The following UBE2D4 variants were observed in gnomAD, a reference collection of about 807,000 sequenced individuals.
UBE2D4 encodes ubiquitin-conjugating enzyme E2 D4.
Under a neutral mutation model 23.0 loss-of-function variants are expected in UBE2D4, and 17 were observed. That is an observed-to-expected ratio of 0.74 (90% CI 0.51 to 1.11). The LOEUF (loss-of-function observed/expected upper bound fraction) is 1.11. UBE2D4 is among the 50% of genes least tolerant of loss of function. The pLI, the probability that UBE2D4 is intolerant of heterozygous loss-of-function variation, is 0.00. For synonymous variants in UBE2D4, 61 were observed against 69.4 expected (o/e 0.88, Z 0.60); for missense variants, 139 against 181.8 (o/e 0.76, Z 1.35).
rs747887317 is a variant in UBE2D4, at chr7:43,950,639, C to T, written c.345C>T (p.Pro115=). The change falls in exon 6 of 7, where the codon CCC becomes CCT. Residue 115 remains proline, a synonymous_variant. Coordinates refer to ENST00000222402, the MANE Select transcript of UBE2D4 (RefSeq NM_015983.4). ...SICSLLCDPN[P]DDPLVPEIAH... is the part of the protein sequence containing the mutation. ...GCTCGCTGCTCTGCGACCCCAACCC[C>T]GATGACCCCCTGGTGCCAGAGATAG... is the stretch of plus-strand genomic sequence containing the variant. 1.4e-5 allele frequency: 22 copies of T among 1,614,252 alleles called. No individual in the cohort carries two copies. The highest frequency in any genetic ancestry group is 3.3e-5 in the Admixed American group (2 of 60,028).
At chr7:43,942,613 A>G (rs2095975634) in intron 2 of UBE2D4, 1 of 636,444 alleles carries the variant, frequency 1.6e-6, no homozygotes, top group Non-Finnish European at 2.8e-6. Context: ...TGTGATAACC[A>G]GCAATCTTAA....
At chr7:43,929,748 A>G (rs976453044) in intron 1 of UBE2D4, among the ~76,000 whole-genome samples, 2 of 152,172 alleles carry the variant, frequency 1.3e-5, no homozygotes, top group Non-Finnish European at 2.9e-5. Flanking sequence ...AATTCTTAAT[A>G]ATTATCGAAC....
At chr7:43,942,653 T>A (rs902401109) in intron 2 of UBE2D4, 173 bp from the exon 3 acceptor site, 16 of 786,412 alleles carry the variant, frequency 2.0e-5, no homozygotes, top group Admixed American at 1.9e-4. Context: ...GCTCTGGGAG[T>A]CCTAGGCAGT....
chr7:43,935,088 G>C (rs1283310739), intron 1 of UBE2D4, among the ~76,000 whole-genome samples: 2 of 152,128 alleles, frequency 1.3e-5, no homozygotes, highest in Admixed American at 1.3e-4. Context: ...TTCCAACTAC[G>C]TAACAGGACC....
chr7:43,933,261 T>C (rs1375052731), intron 1 of UBE2D4, among the ~76,000 whole-genome samples: 1 of 151,928 alleles, frequency 6.6e-6, no homozygotes, highest in African/African-American at 2.4e-5. Context: ...ATTGTTGTCA[T>C]GTAGTGCATC....
intron 4 of UBE2D4, chr7:43,943,575 C>T (rs1386245899): frequency 6.2e-6 from 1 of 160,768 alleles, no homozygotes; most frequent in Non-Finnish European, 1.4e-5. Flanking sequence ...GTGGACACAC[C>T]CTGGTTTAGG....
At chr7:43,939,633 G>A (rs969585027) in intron 2 of UBE2D4, among the ~76,000 whole-genome samples, 1 of 152,196 alleles carries the variant, frequency 6.6e-6, no homozygotes, top group Non-Finnish European at 1.5e-5. Flanking sequence ...CAATGTTCAC[G>A]GCACCATTAC....
chr7:43,932,957 C>A (rs1474805797), intron 1 of UBE2D4, among the ~76,000 whole-genome samples: 1 of 141,740 alleles, frequency 7.1e-6, no homozygotes, highest in Non-Finnish European at 1.5e-5. Context: ...CCATCCAGTT[C>A]CCCTCCTGGG....
rs186795238 is a variant in UBE2D4 at position 43,938,542 on chromosome 7, C to A, written c.88+48C>A. On this transcript the variant is annotated intron_variant, in intron 2 of 6. Transcript: ENST00000222402. ...AGTTGTAGGAGCATTTTAATTAAGA[C>A]CCCCCAACTTAGGCCAGGTGCGGTG... 2.3e-4 allele frequency: 361 copies of A among 1,585,204 alleles called. No individual in the cohort carries two copies. In the African/African-American group the frequency reaches 4.4e-3, roughly 19 times the overall value.
At chr7:43,932,298 A>T (rs2095947754) in intron 1 of UBE2D4, among the ~76,000 whole-genome samples, 1 of 152,164 alleles carries the variant, frequency 6.6e-6, no homozygotes, top group African/African-American at 2.4e-5. Context: ...CTGGCCCATG[A>T]CATACTTTGA....
At position 43,953,229 on chromosome 7, in the gene UBE2D4, G is replaced by C. The variant is rs1243227793; in HGVS notation, c.*534G>C. The C allele has an allele frequency of 8.8e-6, 4 of 456,660 alleles. No individual in the cohort carries two copies. The highest frequency in any genetic ancestry group is 2.3e-5 in the Admixed American group (1 of 42,588). 28.3% of individuals were successfully genotyped at this position (456,660 alleles called of 1,614,324 possible). A position where few individuals can be genotyped will look rare whatever the true frequency, so the allele number is the denominator to read the frequency against. ...GAATTGGGAACAGTGTCACTGGGAA[G>C]TGAAGGCCTAGCCCTGTGGCTTCCA... On this transcript the variant is annotated 3_prime_UTR_variant, in exon 7 of 7. Coordinates refer to ENST00000222402, the MANE Select transcript of UBE2D4 (RefSeq NM_015983.4).
At chr7:43,948,830 T>C (rs1005328547) in intron 5 of UBE2D4, 93 bp downstream of exon 5, 9 of 1,012,586 alleles carry the variant, frequency 8.9e-6, no homozygotes, top group African/African-American at 1.6e-5. Context: ...GAGAAAGAAG[T>C]CACCTTTCCC....
rs1351004153 is a variant in UBE2D4 at position 43,954,616 on chromosome 7, C to T, written c.*1921C>T. ...ATCTTCGTTGCTTCTTTGGTCTTTG[C>T]TTAAACAAAACAATAAAGCTTAATA... On this transcript the variant is annotated 3_prime_UTR_variant, in exon 7 of 7. Coordinates refer to ENST00000222402, the MANE Select transcript of UBE2D4 (RefSeq NM_015983.4). The T allele has an allele frequency of 6.6e-6, 1 of 152,144 alleles. No individual in the cohort carries two copies. Among genetic ancestry groups the T allele is most frequent in the East Asian group, 1.9e-4 (1 of 5,192 alleles). The allele number at this position is 152,144 out of a possible 1,614,324, so 9.4% of individuals were successfully genotyped here. A position where few individuals can be genotyped will look rare whatever the true frequency, so the allele number is the denominator to read the frequency against.
In UBE2D4 at chr7:43,938,944, G is replaced by C. The variant is rs187951429; in HGVS notation, c.88+450G>C. 3.9e-3 allele frequency among the ~76,000 whole-genome samples: 599 copies of C among 152,310 alleles called. 1 individual carries two copies. The highest frequency in any genetic ancestry group is 6.8e-3 in the Middle Eastern group (2 of 294). ...TCTCTTGAATGGCTTTTCATTTGAG[G>C]TCTAGGCCATGAGTTCACAGCAGCT... On this transcript the variant is annotated intron_variant, in intron 2 of 6. Coordinates refer to ENST00000222402, the MANE Select transcript of UBE2D4 (RefSeq NM_015983.4).
rs1360122657 is a variant in UBE2D4 at position 43,944,968 on chromosome 7, A to G, written c.198+1937A>G. ...AATTGCCTAAGGACAAAGGAGAAAC[A>G]GTGATTATTATTATTATTTTTTAAT... is the stretch of plus-strand genomic sequence containing the variant. On this transcript the variant is annotated intron_variant, in intron 4 of 6. Transcript: ENST00000222402. The surrounding 1 kb of genome is among the most constrained non-coding windows in gnomAD (Gnocchi z 4.0). 6.6e-6 allele frequency: 1 copy of G among 152,126 alleles called. No individual in the cohort carries two copies. Among genetic ancestry groups the G allele is most frequent in the Admixed American group, 6.5e-5 (1 of 15,268 alleles). The allele number at this position is 152,126 out of a possible 1,614,324, so 9.4% of individuals were successfully genotyped here. A position where few individuals can be genotyped will look rare whatever the true frequency, so the allele number is the denominator to read the frequency against.
At chr7:43,929,015 G>A (rs1263533899) in intron 1 of UBE2D4, among the ~76,000 whole-genome samples, 3 of 152,186 alleles carry the variant, frequency 2.0e-5, no homozygotes, top group African/African-American at 4.8e-5. Context: ...AGGACAGGCT[G>A]GGTACAGTGG....
At chr7:43,947,577 A>G (rs189339275) in intron 4 of UBE2D4, among the ~76,000 whole-genome samples, 9 of 152,284 alleles carry the variant, frequency 5.9e-5, no homozygotes, top group African/African-American at 9.6e-5. Context: ...TCTTAATCCA[A>G]TGTATCATTG....
chr7:43,945,037 G>A (rs886983622), intron 4 of UBE2D4: 52 of 152,108 alleles, frequency 3.4e-4, no homozygotes, highest in African/African-American at 1.2e-3. Context: ...TTGTCTCCCA[G>A]GATGGAGTGC....
intron 4 of UBE2D4, among the ~76,000 whole-genome samples, chr7:43,947,558 G>A (rs1389656855): frequency 6.6e-6 from 1 of 152,162 alleles, no homozygotes; most frequent in Non-Finnish European, 1.5e-5. Flanking sequence ...GTGTATATAT[G>A]CCACATTTTC....
Sources: gnomAD v4.1 joint callset for allele counts (sites outside exome capture counted in the v4.1 genomes callset) on GRCh38, gnomAD v4.1.1 for gene constraint, Gnocchi (gnomAD v3.1) non-coding constraint, MANE v1.5 for transcripts, NCBI Gene and HGNC (gene_info 2026-07-23, HGNC 2026-07-21) for gene names.